Variants in SYNE1 observed in about 807,000 individuals in gnomAD.
The protein encoded by SYNE1 is spectrin repeat containing nuclear envelope protein 1, also known as nesprin-1.
SYNE1 carries 616 observed loss-of-function variants against 1,111.0 expected under a neutral mutation model. The ratio of observed to expected loss-of-function variants is 0.55; its 90% confidence interval spans 0.52 to 0.59. The LOEUF (loss-of-function observed/expected upper bound fraction) is 0.59, where lower values mean the gene tolerates loss of function less well. SYNE1 is among the 20% of genes least tolerant of loss of function. SYNE1 has a pLI of 0.00. For synonymous variants in SYNE1, 3,855 were observed against 3,825.8 expected (o/e 1.01, Z -0.28); for missense variants, 10,006 against 10,417.0 (o/e 0.96, Z 1.72).
chr6:152,124,416 A>G (rs918137189), intron 145 of SYNE1, among the ~76,000 whole-genome samples: 2 of 152,222 alleles, frequency 1.3e-5, no homozygotes, highest in Non-Finnish European at 2.9e-5. Context: ...TTAAATTGGA[A>G]GCATGTTCTT....
chr6:152,257,066 T>C (rs2091022198), intron 101 of SYNE1, among the ~76,000 whole-genome samples: 1 of 152,104 alleles, frequency 6.6e-6, no homozygotes, highest in South Asian at 2.1e-4. Context: ...CTATAACATA[T>C]TGTATATCTC....
Position 152,369,534 on chromosome 6 carries a change from G to C in SYNE1, c.9588C>G (p.Val3196=), listed in dbSNP as rs1461974738. The C allele has an allele frequency of 6.2e-7, 1 of 1,614,136 alleles. No individual in the cohort carries two copies. The highest frequency in any genetic ancestry group is 1.7e-5 in the Admixed American group (1 of 60,012). The part of the protein sequence containing the change: ...QDWLSKTEKM[V]HESSNRLYDL... ...CATAGAGGCGATTGCTGCTTTCATG[G>C]ACCATCTTCTCAGTTTTACTCAGCC... The change falls in exon 60 of 146, where the codon GTC becomes GTG. Residue 3196 remains valine, a synonymous_variant. Coordinates refer to ENST00000367255, the MANE Select transcript of SYNE1 (RefSeq NM_182961.4).
rs368250997 is a variant in SYNE1, at chr6:152,136,688, C to A, written c.25589G>T (p.Arg8530Leu). Residue 8530 changes from arginine to leucine, a missense_variant, in exon 141 of 146, where the codon CGC (arginine) becomes CTC (leucine). This residue lies in a region of SYNE1 where 761 missense variants were observed against 795.5 expected (regional missense o/e 0.96). Coordinates refer to ENST00000367255, the MANE Select transcript of SYNE1 (RefSeq NM_182961.4). ...CAGCAGAGAGCACACTCGGTCCCAG[C>A]GCCCATTCATCTGCGACAAGCGATC... ...LQDRLSQMNGRWDRVCSLLEE... is the reference protein window; with the variant it reads ...LQDRLSQMNGLWDRVCSLLEE... 1.9e-6 allele frequency: 3 copies of A among 1,614,232 alleles called. No individual in the cohort carries two copies. The highest frequency in any genetic ancestry group is 2.2e-5 in the East Asian group (1 of 44,882).
chr6:152,283,392 A>C (rs1256550703), intron 96 of SYNE1, among the ~76,000 whole-genome samples: 2 of 152,202 alleles, frequency 1.3e-5, no homozygotes, highest in African/African-American at 2.4e-5. Context: ...ATTATTCTTC[A>C]CAAGGCTCAT....
rs2099084588 is a variant in SYNE1, at chr6:152,511,475, G to T, written c.310-372C>A. The T allele has an allele frequency of 7.5e-6, 8 of 1,070,898 alleles. No homozygotes were observed. The Admixed American group carries it at 1.2e-4, about 16-fold the overall frequency. The allele number at this position is 1,070,898 out of a possible 1,614,324, so 66.3% of individuals were successfully genotyped here. A position where few individuals can be genotyped will look rare whatever the true frequency, so the allele number is the denominator to read the frequency against. On this transcript the variant is annotated intron_variant, in intron 6 of 145. Transcript: ENST00000367255. ...ACTGCAATGAGAAGTTTAAGAAGAT[G>T]CACTTACTTTGAAGTTTGTTACCAA...
chr6:152,606,702 C>T (rs542927499), intron 3 of SYNE1, among the ~76,000 whole-genome samples: 1 of 152,310 alleles, frequency 6.6e-6, no homozygotes, highest in Non-Finnish European at 1.5e-5. Flanking sequence ...GGCTGGAATG[C>T]AGTGGCACGA....
At chr6:152,324,370 G>A (rs2095985175) in intron 81 of SYNE1, among the ~76,000 whole-genome samples, 1 of 152,186 alleles carries the variant, frequency 6.6e-6, no homozygotes, top group Non-Finnish European at 1.5e-5. Context: ...CTGCACTCTA[G>A]CCTGGGCGAC....
chr6:152,189,548 T>C, intron 127 of SYNE1, 141 bp from the exon 128 acceptor site: 1 of 753,122 alleles, frequency 1.3e-6, no homozygotes, highest in Non-Finnish European at 2.2e-6. Flanking sequence ...AGGCACATCA[T>C]GGCAATATTA....
At chr6:152,267,587 T>A (rs1272499401) in intron 100 of SYNE1, among the ~76,000 whole-genome samples, 1 of 152,202 alleles carries the variant, frequency 6.6e-6, no homozygotes, top group African/African-American at 2.4e-5. Context: ...ACTTCCTTAA[T>A]TTTTCTTGAC....
chr6:152,252,882 G>A (rs2089733723), intron 104 of SYNE1, among the ~76,000 whole-genome samples: 1 of 152,190 alleles, frequency 6.6e-6, no homozygotes, highest in Admixed American at 6.5e-5. Context: ...AAGTTCCAGA[G>A]CATTCATGCC....
rs140123292 is a variant in SYNE1, at chr6:152,369,041, G to A, written c.9738C>T (p.Ala3246=). 44 of 1,614,072 alleles carry A rather than the reference G, an allele frequency of 2.7e-5. No individual in the cohort carries two copies. Among genetic ancestry groups the A allele is most frequent in the Non-Finnish European group, 3.5e-5 (41 of 1,180,050 alleles). The part of the protein sequence containing the change: ...KAQQLWEGQA[A]SKSFRHRVSQ... ...ACACTCTGTGCCTAAAGCTCTTGCT[G>A]GCAGCTTGTCCTTCCCACAGCTGCT... The change falls in exon 61 of 146, where the codon GCC becomes GCT. Residue 3246 remains alanine (A), a synonymous_variant. Transcript: ENST00000367255.
rs1246988675 is a variant in SYNE1, at chr6:152,409,058, A to G, written c.6540+10T>C. ...TAAATAGTTCACAGAATCCCAGGTGATTATCTTACATCCAGCCATTTGTCC... is the reference window on the plus strand; with the variant it reads ...TAAATAGTTCACAGAATCCCAGGTGGTTATCTTACATCCAGCCATTTGTCC... On this transcript the variant is annotated intron_variant, in intron 44 of 145. Transcript: ENST00000367255. 1 of 1,613,526 alleles carries G rather than the reference A, an allele frequency of 6.2e-7. No homozygotes were observed. Among genetic ancestry groups the G allele is most frequent in the South Asian group, 1.1e-5 (1 of 91,038 alleles).
chr6:152,235,301 C>T (rs1402383509), intron 110 of SYNE1, among the ~76,000 whole-genome samples: 1 of 152,174 alleles, frequency 6.6e-6, no homozygotes, highest in African/African-American at 2.4e-5. Flanking sequence ...GCATCTGCCT[C>T]CCTGCTCACT....
rs373715708 is a variant in SYNE1, at chr6:152,347,125, T to C, written c.12012A>G (p.Gln4004=). ...TGCCCTGCAGATGAGCATGCACGTT[T>C]TGTTTAAGTTTCGCTTGCAGGTGGT... ...CADHLQAKLK[Q]NVHAHLQGTK... is the part of the protein sequence containing the mutation. The change falls in exon 73 of 146, where the codon CAA becomes CAG. Residue 4004 remains glutamine (Q), a synonymous_variant. Transcript: ENST00000367255. 22 of 1,614,084 alleles carry C rather than the reference T, an allele frequency of 1.4e-5. No homozygotes were observed. The highest frequency in any genetic ancestry group is 1.9e-5 in the Non-Finnish European group (22 of 1,180,036).
intron 3 of SYNE1, among the ~76,000 whole-genome samples, chr6:152,615,441 G>A (rs2099643245): frequency 6.9e-6 from 1 of 145,700 alleles, no homozygotes. Flanking sequence ...TTTTTTTAAA[G>A]CACAAAGTAA....
chr6:152,266,340 T>C (rs886502414), intron 100 of SYNE1, among the ~76,000 whole-genome samples: 7 of 152,100 alleles, frequency 4.6e-5, no homozygotes, highest in Non-Finnish European at 8.8e-5. Context: ...GAGGAAGCAA[T>C]GCTGGATGGG....
chr6:152,446,253 A>G (rs1464638042), intron 29 of SYNE1, among the ~76,000 whole-genome samples: 3 of 151,968 alleles, frequency 2.0e-5, no homozygotes, highest in Non-Finnish European at 4.4e-5. Context: ...TCCTGTCACC[A>G]AAAGAGGGAA....
chr6:152,199,182 A>T (rs532538776), intron 127 of SYNE1, among the ~76,000 whole-genome samples: 8 of 151,710 alleles, frequency 5.3e-5, no homozygotes, highest in South Asian at 2.1e-4. Flanking sequence ...TTGATTTAAA[A>T]TTTTTTTTTC....
chr6:152,586,110 G>A (rs1348533508), intron 3 of SYNE1, among the ~76,000 whole-genome samples: 1 of 152,038 alleles, frequency 6.6e-6, no homozygotes, highest in Non-Finnish European at 1.5e-5. Context: ...AATTACTATG[G>A]TTGGCAAGTA....
Sources: allele counts gnomAD v4.1 joint callset (sites outside exome capture counted in the v4.1 genomes callset), GRCh38; gene constraint gnomAD v4.1.1; regional missense constraint gnomAD v4.1.1; transcripts MANE v1.5; gene names NCBI Gene and HGNC (gene_info 2026-07-23, HGNC 2026-07-21).